The following DNAH9 variants were observed in gnomAD, a reference collection of about 807,000 sequenced individuals.
DNAH9 encodes dynein axonemal heavy chain 9, also known as DNAH9 variant protein.
DNAH9 carries 345 observed loss-of-function variants against 471.6 expected under a neutral mutation model. The ratio of observed to expected loss-of-function variants is 0.73; its 90% CI spans 0.67 to 0.80. The LOEUF is 0.80. DNAH9 is among the 30% of genes least tolerant of loss of function. The pLI is 0.00. For missense variants in DNAH9, 5,407 were observed against 5,609.2 expected (o/e 0.96, Z 1.15); for synonymous variants, 2,093 against 2,123.6 (o/e 0.99, Z 0.40).
intron 9 of DNAH9, 67 bp from the exon 10 acceptor site, chr17:11,640,203 T>A: frequency 1.1e-6 from 1 of 878,384 alleles, no homozygotes; most frequent in African/African-American, 1.7e-5. Flanking sequence ...TGGTGGGAGG[T>A]GTTTGCCGAG....
At chr17:11,709,740 C>T (rs1375367760) in intron 26 of DNAH9, among the ~76,000 whole-genome samples, 1 of 152,158 alleles carries the variant, frequency 6.6e-6, no homozygotes, top group Non-Finnish European at 1.5e-5. Flanking sequence ...TCTCATAAGT[C>T]GTTTCTCGAC....
chr17:11,863,340 T>C (rs1010568129), intron 50 of DNAH9, among the ~76,000 whole-genome samples: 2 of 152,184 alleles, frequency 1.3e-5, no homozygotes, highest in African/African-American at 4.8e-5. Context: ...TTTGTGTATA[T>C]TGAACCAGCC....
intron 66 of DNAH9, among the ~76,000 whole-genome samples, chr17:11,940,077 A>G (rs1974851985): frequency 2.6e-5 from 4 of 152,266 alleles, no homozygotes; most frequent in African/African-American, 9.6e-5. Context: ...TTTGCTTCTA[A>G]TATCATGTGT....
chr17:11,935,288 C>A (rs753736070), intron 65 of DNAH9, among the ~76,000 whole-genome samples: 2 of 150,900 alleles, frequency 1.3e-5, no homozygotes, highest in Non-Finnish European at 3.0e-5. Context: ...ACTATTACTT[C>A]GGTCTTTTAT....
intron 26 of DNAH9, among the ~76,000 whole-genome samples, chr17:11,708,014 C>CAGAGAGAG (rs34314090): frequency 3.8e-5 from 2 of 52,214 alleles, no homozygotes; most frequent in African/African-American, 1.4e-4. Flanking sequence ...CACACACACA[C>CAGAGAGAG]AGAGAGAGAG....
At chr17:11,807,630 G>T (rs566392202) in intron 43 of DNAH9, 102 bp from the exon 44 acceptor site, 7 of 1,266,108 alleles carry the variant, frequency 5.5e-6, no homozygotes, top group Non-Finnish European at 6.6e-6. Flanking sequence ...AGCCTGTGAC[G>T]TGCCTCCAAG....
chr17:11,746,199 G>T (rs2075521372), intron 31 of DNAH9, among the ~76,000 whole-genome samples: 1 of 152,152 alleles, frequency 6.6e-6, no homozygotes, highest in Admixed American at 6.5e-5. Flanking sequence ...CAGGAAAGAG[G>T]TTTAATTAAC....
At position 11,763,488 on chromosome 17, in the gene DNAH9, G is replaced by A. The variant is rs1967802835; in HGVS notation, c.7044G>A (p.Val2348=). The A allele has an allele frequency of 1.9e-6, 3 of 1,614,014 alleles. No individual in the cohort carries two copies. Among genetic ancestry groups the A allele is most frequent in the Admixed American group, 3.3e-5 (2 of 60,006 alleles). Residue 2348 remains valine, a synonymous_variant, in exon 36 of 69, where the codon GTG becomes GTA. Coordinates refer to ENST00000262442, the MANE Select transcript of DNAH9 (RefSeq NM_001372.4). The part of the protein sequence containing the change: ...PIPEQSMVQM[V]CHLLECLLTT... ...CAGAGCAGAGCATGGTTCAGATGGT[G>A]TGTCACCTTCTGGAATGTCTCCTGA...
chr17:11,920,212 T>C (rs1165735072), intron 61 of DNAH9, among the ~76,000 whole-genome samples: 3 of 151,778 alleles, frequency 2.0e-5, no homozygotes, highest in Non-Finnish European at 4.4e-5. Context: ...AATTTTGTAT[T>C]TTTAGTAGAA....
intron 27 of DNAH9, among the ~76,000 whole-genome samples, chr17:11,727,467 T>C (rs188747548): frequency 1.1e-3 from 163 of 152,326 alleles, no homozygotes; most frequent in African/African-American, 3.6e-3. Flanking sequence ...CATCAGTGCA[T>C]GACAAAGGCT....
intron 30 of DNAH9, among the ~76,000 whole-genome samples, chr17:11,743,477 C>T (rs1343792955): frequency 6.6e-6 from 1 of 152,206 alleles, no homozygotes; most frequent in Non-Finnish European, 1.5e-5. Context: ...TAAAAACGCT[C>T]CTCACTGGTC....
intron 1 of DNAH9, among the ~76,000 whole-genome samples, chr17:11,604,103 A>T (rs1319861709): frequency 6.6e-6 from 1 of 150,894 alleles, no homozygotes; most frequent in Non-Finnish European, 1.5e-5. Flanking sequence ...GCTTGCTGCA[A>T]CCTCCGCCTC....
chr17:11,887,289 G>A (rs1972909610), intron 57 of DNAH9, among the ~76,000 whole-genome samples: 1 of 152,190 alleles, frequency 6.6e-6, no homozygotes, highest in African/African-American at 2.4e-5. Flanking sequence ...AGTCTGAGAA[G>A]TGATCCCTGT....
chr17:11,778,367 A>G (rs1183305843), intron 38 of DNAH9, among the ~76,000 whole-genome samples: 10 of 146,078 alleles, frequency 6.8e-5, no homozygotes, highest in East Asian at 2.0e-4. Context: ...AAAAAAGAAA[A>G]GGGAAGAAAA....
intron 56 of DNAH9, 67 bp from the exon 57 acceptor site, chr17:11,886,758 G>A (rs1972890112): frequency 1.3e-6 from 2 of 1,542,950 alleles, no homozygotes; most frequent in African/African-American, 1.4e-5. Flanking sequence ...CACACAGAGG[G>A]GCCAAGTTGA....
At chr17:11,624,674 A>G (rs1280948334) in intron 6 of DNAH9, among the ~76,000 whole-genome samples, 1 of 152,160 alleles carries the variant, frequency 6.6e-6, no homozygotes, top group Non-Finnish European at 1.5e-5. Context: ...CTGTCTTTGC[A>G]CCAAACTTTG....
chr17:11,862,862 A>G (rs1449370853), intron 50 of DNAH9, among the ~76,000 whole-genome samples: 5 of 151,784 alleles, frequency 3.3e-5, no homozygotes, highest in Non-Finnish European at 7.4e-5. Flanking sequence ...ATTTTTGTAC[A>G]TTGATTTTGT....
chr17:11,844,325 A>G (rs1427017056), intron 49 of DNAH9, among the ~76,000 whole-genome samples: 1 of 152,184 alleles, frequency 6.6e-6, no homozygotes. Flanking sequence ...AAAAGTCCAG[A>G]TTGTATTTTG....
At chr17:11,604,299 G>A (rs565117453) in intron 1 of DNAH9, among the ~76,000 whole-genome samples, 41 of 152,212 alleles carry the variant, frequency 2.7e-4, no homozygotes, top group African/African-American at 9.9e-4. Flanking sequence ...TGGGATTACA[G>A]GTGTGAGCCG....
Sources: allele counts gnomAD v4.1 joint callset (sites outside exome capture counted in the v4.1 genomes callset), GRCh38; gene constraint gnomAD v4.1.1; transcripts MANE v1.5; gene names NCBI Gene and HGNC (gene_info 2026-07-23, HGNC 2026-07-21).